The following GRM1 variants were observed in gnomAD, a reference collection of about 807,000 sequenced individuals.
GRM1 encodes metabotropic glutamate receptor 1.
A neutral mutation model predicts 90.9 loss-of-function variants in GRM1; 33 were observed. That is an observed-to-expected ratio of 0.36 (90% CI 0.28 to 0.49). The LOEUF is 0.49. GRM1 is among the 20% of genes least tolerant of loss of function. The pLI is 0.99. For synonymous variants in GRM1, 700 were observed against 613.2 expected (o/e 1.14, Z -2.09); for missense variants, 1,190 against 1,534.3 (o/e 0.78, Z 3.75).
intron 1 of GRM1, among the ~76,000 whole-genome samples, chr6:146,033,011 T>G (rs1247577293): frequency 6.6e-6 from 1 of 152,202 alleles, no homozygotes; most frequent in Non-Finnish European, 1.5e-5. Flanking sequence ...TTACATTCTT[T>G]TCAATCTTAT....
chr6:146,097,035 A>C (rs1050521543), intron 1 of GRM1, among the ~76,000 whole-genome samples: 2 of 152,172 alleles, frequency 1.3e-5, no homozygotes, highest in Non-Finnish European at 2.9e-5. Flanking sequence ...TTGAGGAAAT[A>C]AAAGATTTGG....
intron 7 of GRM1, among the ~76,000 whole-genome samples, chr6:146,402,420 T>A (rs1254999635): frequency 2.0e-5 from 3 of 152,200 alleles, no homozygotes; most frequent in Non-Finnish European, 4.4e-5. Context: ...TTTTACCTTT[T>A]TATTGCCATT....
chr6:146,316,428 T>A (rs1463031016), intron 3 of GRM1, among the ~76,000 whole-genome samples: 1 of 152,188 alleles, frequency 6.6e-6, no homozygotes, highest in Non-Finnish European at 1.5e-5. Flanking sequence ...ATTCACAAGT[T>A]CAGTGATTAG....
chr6:146,382,092 A>G (rs1380402987), intron 5 of GRM1, among the ~76,000 whole-genome samples: 1 of 152,160 alleles, frequency 6.6e-6, no homozygotes, highest in African/African-American at 2.4e-5. Flanking sequence ...GGTCTTAGAA[A>G]GCCTTAGTCC....
At position 146,164,226 on chromosome 6, in the gene GRM1, A is replaced by C. The variant is rs193071148; in HGVS notation, c.950+4629A>C. On this transcript the variant is annotated intron_variant, in intron 2 of 7. Coordinates refer to ENST00000282753, the MANE Select transcript of GRM1 (RefSeq NM_001278064.2). ...TTCCAAAAACAGCCCTGAAAGGTTG[A>C]CTTGAAAAGCAGAGAAGTTCAATAA... 5.4e-3 allele frequency among the ~76,000 whole-genome samples: 820 copies of C among 152,252 alleles called. 6 individuals are homozygous for C. The highest frequency in any genetic ancestry group is 0.019 in the African/African-American group (787 of 41,554).
chr6:146,057,551 C>G (rs1200031537), intron 1 of GRM1, among the ~76,000 whole-genome samples: 1 of 152,134 alleles, frequency 6.6e-6, no homozygotes, highest in Non-Finnish European at 1.5e-5. Context: ...ACATAGAGCA[C>G]TGTATATCAG....
chr6:146,135,773 AC>A (rs1776595102), intron 1 of GRM1, among the ~76,000 whole-genome samples: 1 of 152,166 alleles, frequency 6.6e-6, no homozygotes. Context: ...TTAAGCATTT[AC>A]CCTTCATGTT....
chr6:146,260,807 T>G (rs1781665753), intron 2 of GRM1, among the ~76,000 whole-genome samples: 1 of 77,000 alleles, frequency 1.3e-5, no homozygotes, highest in Admixed American at 1.2e-4. Context: ...TATTTGGGTT[T>G]TTTTTTTTTT....
chr6:146,296,466 A>G (rs1783181278), intron 2 of GRM1, among the ~76,000 whole-genome samples: 1 of 152,182 alleles, frequency 6.6e-6, no homozygotes, highest in South Asian at 2.1e-4. Context: ...AAAATACACA[A>G]TACGTTATTA....
intron 2 of GRM1, among the ~76,000 whole-genome samples, chr6:146,278,661 G>A (rs1465739843): frequency 6.6e-6 from 1 of 152,130 alleles, no homozygotes; most frequent in Non-Finnish European, 1.5e-5. Context: ...GTTGATGCCT[G>A]TAGTCCCAGC....
intron 5 of GRM1, among the ~76,000 whole-genome samples, chr6:146,358,265 C>A (rs1332173469): frequency 6.6e-6 from 1 of 152,078 alleles, no homozygotes; most frequent in East Asian, 1.9e-4. Flanking sequence ...GTAACTATGA[C>A]ATCAGTATAT....
At chr6:146,431,216 A>C (rs1778393235) in intron 7 of GRM1, among the ~76,000 whole-genome samples, 1 of 152,184 alleles carries the variant, frequency 6.6e-6, no homozygotes, top group Non-Finnish European at 1.5e-5. Context: ...CTTTACAGCA[A>C]ATCTAGAGCA....
At position 146,273,705 on chromosome 6, in the gene GRM1, G is replaced by A. The variant is rs142225901; in HGVS notation, c.951-30906G>A. Among the ~76,000 whole-genome samples the A allele has an allele frequency of 2.4e-3, 371 of 152,248 alleles. 3 individuals carry two copies. Among genetic ancestry groups the A allele is most frequent in the African/African-American group, 8.1e-3 (338 of 41,562 alleles). ...GAAAGTGTTTCTTTTATAAACCAGA[G>A]GGTAAATACAAAATGTCCCCTTTAA... is the stretch of plus-strand genomic sequence containing the variant. On this transcript the variant is annotated intron_variant, in intron 2 of 7. Coordinates refer to ENST00000282753, the MANE Select transcript of GRM1 (RefSeq NM_001278064.2).
At chr6:146,142,867 G>A (rs1776939007) in intron 1 of GRM1, among the ~76,000 whole-genome samples, 1 of 152,108 alleles carries the variant, frequency 6.6e-6, no homozygotes, top group African/African-American at 2.4e-5. Flanking sequence ...AACCCCACGA[G>A]CCTGCTTGGT....
chr6:146,127,539 A>G (rs1449254536), intron 1 of GRM1, among the ~76,000 whole-genome samples: 1 of 152,106 alleles, frequency 6.6e-6, no homozygotes, highest in Non-Finnish European at 1.5e-5. Context: ...GGCTCAAAGG[A>G]TCAGACACGG....
Position 146,399,186 on chromosome 6 carries a change from T to C in GRM1, c.2147T>C (p.Val716Ala). The C allele has an allele frequency of 6.2e-7, 1 of 1,614,094 alleles. No homozygotes were observed. The change falls in exon 7 of 8, where the codon GTG becomes GCG. Residue 716 changes from valine to alanine, a missense_variant. By Grantham distance (64) the Val-to-Ala change is moderately conservative (BLOSUM62 0). Around this residue, in one of 10 missense-constraint regions of GRM1, gnomAD observed 414 missense variants for 598.4 expected, o/e 0.69. Coordinates refer to ENST00000282753, the MANE Select transcript of GRM1 (RefSeq NM_001278064.2). The surrounding 1 kb of genome is among the most constrained non-coding windows in gnomAD (Gnocchi z 5.4). ...ATCATTGCCTCAATTCTGATTAGTG[T>C]GCAACTAACCCTGGTGGTAACCCTG... ...QVIIASILIS[V>A]QLTLVVTLII... is the part of the protein sequence containing the mutation.
intron 7 of GRM1, among the ~76,000 whole-genome samples, chr6:146,408,487 A>G (rs1777439292): frequency 6.6e-6 from 1 of 152,196 alleles, no homozygotes; most frequent in Non-Finnish European, 1.5e-5. Flanking sequence ...ACAGCACAAT[A>G]CCTAAATAAT....
intron 1 of GRM1, among the ~76,000 whole-genome samples, chr6:146,034,828 A>T (rs1488378153): frequency 1.3e-5 from 2 of 152,018 alleles, no homozygotes; most frequent in Non-Finnish European, 2.9e-5. Flanking sequence ...GTTTAAATGA[A>T]AAGTCATCAC....
At chr6:146,269,953 T>C (rs1782050195) in intron 2 of GRM1, among the ~76,000 whole-genome samples, 1 of 149,812 alleles carries the variant, frequency 6.7e-6, no homozygotes, top group South Asian at 2.1e-4. Context: ...AATGGAATAA[T>C]GTAATGTTTA....
Sources: allele counts gnomAD v4.1 joint callset (sites outside exome capture counted in the v4.1 genomes callset), GRCh38; gene constraint gnomAD v4.1.1; regional missense constraint gnomAD v4.1.1; non-coding constraint Gnocchi (gnomAD v3.1); transcripts MANE v1.5; gene names NCBI Gene and HGNC (gene_info 2026-07-23, HGNC 2026-07-21).